COL23A1: variants seen among roughly 807,000 people sequenced by gnomAD.
COL23A1 encodes collagen type XXIII alpha 1 chain.
Under a neutral mutation model 99.3 loss-of-function variants are expected in COL23A1, and 97 were observed. That is an observed-to-expected ratio of 0.98 (90% CI 0.83 to 1.16). COL23A1 has a LOEUF of 1.16. COL23A1 is among the 50% of genes most tolerant of loss of function. COL23A1 has a pLI of 0.00. For missense variants in COL23A1, 762 were observed against 757.4 expected, an observed-to-expected ratio of 1.01 and a Z score of -0.07; for synonymous variants, 320 against 308.2, an observed-to-expected ratio of 1.04 and a Z score of -0.40.
chr5:178,453,324 T>A (rs1767593980), intron 2 of COL23A1, among the ~76,000 whole-genome samples: 1 of 152,208 alleles, frequency 6.6e-6, no homozygotes, highest in African/African-American at 2.4e-5. Context: ...TCTAGCCCCG[T>A]GAAGAGATGA....
chr5:178,273,193 G>T (rs1004665100), intron 5 of COL23A1, among the ~76,000 whole-genome samples: 1 of 152,224 alleles, frequency 6.6e-6, no homozygotes, highest in Non-Finnish European at 1.5e-5. Flanking sequence ...AGAAGTGCCC[G>T]TGGAAGGGAG....
chr5:178,537,190 C>A (rs1005372114), intron 2 of COL23A1, among the ~76,000 whole-genome samples: 4 of 150,888 alleles, frequency 2.7e-5, no homozygotes, highest in African/African-American at 9.8e-5. Context: ...CCCCTGACCA[C>A]CCGTGTCCCC....
intron 2 of COL23A1, among the ~76,000 whole-genome samples, chr5:178,473,688 CTAT>C (rs1258312485): frequency 6.6e-6 from 1 of 151,998 alleles, no homozygotes; most frequent in Non-Finnish European, 1.5e-5. Flanking sequence ...GGACGACTGA[CTAT>C]ACTGTTTCTA....
chr5:178,568,442 T>C (rs894310829), intron 1 of COL23A1, among the ~76,000 whole-genome samples: 1 of 152,246 alleles, frequency 6.6e-6, no homozygotes. Flanking sequence ...TTTTTTTAAC[T>C]GAGGTGAAAT....
intron 2 of COL23A1, among the ~76,000 whole-genome samples, chr5:178,467,629 G>A (rs1174238361): frequency 6.6e-6 from 1 of 152,214 alleles, no homozygotes; most frequent in Admixed American, 6.5e-5. Flanking sequence ...GCTTGCAGCT[G>A]TGTGTTGCCA....
At chr5:178,417,420 G>T (rs1253096610) in intron 2 of COL23A1, among the ~76,000 whole-genome samples, 1 of 152,178 alleles carries the variant, frequency 6.6e-6, no homozygotes, top group Non-Finnish European at 1.5e-5. Flanking sequence ...TACAGGTAAA[G>T]AATCTGACCT....
intron 10 of COL23A1, 82 bp downstream of exon 10, chr5:178,262,135 C>G (rs547623190): frequency 7.1e-7 from 1 of 1,414,000 alleles, no homozygotes; most frequent in African/African-American, 1.4e-5. Context: ...ACCCTGCTGT[C>G]GGCGTGTGTG....
In COL23A1 at chr5:178,544,901, T is replaced by C. The variant is rs1330897831; in HGVS notation, c.361+15781A>G. ...GCTGAGCAACACAGCAAACCCCGTC[T>C]CTAGAACAACAACAACAAAAAAAGA... On this transcript the variant is annotated intron_variant, in intron 2 of 28. Coordinates refer to ENST00000390654, the MANE Select transcript of COL23A1 (RefSeq NM_173465.4). The surrounding 1 kb of genome is among the most constrained non-coding windows in gnomAD (Gnocchi z 4.4). Among the ~76,000 whole-genome samples the C allele has an allele frequency of 6.6e-6, 1 of 152,042 alleles. No individual in the cohort carries two copies. Among genetic ancestry groups the C allele is most frequent in the East Asian group, 1.9e-4 (1 of 5,180 alleles).
At chr5:178,553,691 G>A (rs910088769) in intron 2 of COL23A1, among the ~76,000 whole-genome samples, 4 of 152,210 alleles carry the variant, frequency 2.6e-5, no homozygotes, top group African/African-American at 4.8e-5. Flanking sequence ...TTCTGGGCAC[G>A]TGGGTGGCTG....
chr5:178,462,609 C>T (rs1756183253), intron 2 of COL23A1, among the ~76,000 whole-genome samples: 1 of 152,272 alleles, frequency 6.6e-6, no homozygotes, highest in Middle Eastern at 3.4e-3. Flanking sequence ...TCCATAACAG[C>T]TGATGAAAAT....
intron 2 of COL23A1, among the ~76,000 whole-genome samples, chr5:178,418,651 G>A (rs991576169): frequency 6.7e-6 from 1 of 149,906 alleles, no homozygotes; most frequent in African/African-American, 2.5e-5. Flanking sequence ...AGTGACCCAC[G>A]CTGTGGAGCC....
At chr5:178,359,170 C>T (rs998484918) in intron 2 of COL23A1, among the ~76,000 whole-genome samples, 1 of 152,178 alleles carries the variant, frequency 6.6e-6, no homozygotes, top group African/African-American at 2.4e-5. Context: ...GTCATTTAAC[C>T]TCTCTCAGCC....
At chr5:178,471,705 C>T (rs1036194197) in intron 2 of COL23A1, among the ~76,000 whole-genome samples, 6 of 152,146 alleles carry the variant, frequency 3.9e-5, no homozygotes, top group African/African-American at 1.2e-4. Context: ...CAACCACCCG[C>T]TTTATGTAAC....
intron 5 of COL23A1, among the ~76,000 whole-genome samples, chr5:178,285,934 C>T (rs946226555): frequency 2.0e-5 from 3 of 152,218 alleles, no homozygotes; most frequent in Non-Finnish European, 4.4e-5. Flanking sequence ...GGAAGCTGAG[C>T]GGGGTGTCTG....
intron 2 of COL23A1, among the ~76,000 whole-genome samples, chr5:178,518,223 A>C (rs1215996389): frequency 6.9e-6 from 1 of 144,770 alleles, no homozygotes; most frequent in East Asian, 2.2e-4. Context: ...GTAAGGTCAC[A>C]GATCAACAGG....
intron 2 of COL23A1, among the ~76,000 whole-genome samples, chr5:178,447,989 C>G (rs1007802635): frequency 1.3e-5 from 2 of 152,158 alleles, no homozygotes; most frequent in African/African-American, 4.8e-5. Flanking sequence ...ACTCGAGGGT[C>G]TGAGTGTTGG....
Position 178,342,566 on chromosome 5 carries a change from C to T in COL23A1, c.362-35647G>A, listed in dbSNP as rs922749596. Among the ~76,000 whole-genome samples, 9 of 152,294 alleles carry T rather than the reference C, an allele frequency of 5.9e-5. No individual in the cohort carries two copies. The South Asian group carries it at 6.2e-4, about 11-fold the overall frequency. On this transcript the variant is annotated intron_variant, in intron 2 of 28. Coordinates refer to ENST00000390654, the MANE Select transcript of COL23A1 (RefSeq NM_173465.4). ...TGATGCCCCATTTCCCAGGTCCCAC[C>T]GGCCAGAGCATCTGAAGCTCCCTGC...
chr5:178,486,126 C>G (rs1206088411), intron 2 of COL23A1, among the ~76,000 whole-genome samples: 1 of 152,186 alleles, frequency 6.6e-6, no homozygotes, highest in African/African-American at 2.4e-5. Context: ...ACATGTAAAG[C>G]TGGGTACCAG....
At chr5:178,471,641 C>T (rs1179245889) in intron 2 of COL23A1, among the ~76,000 whole-genome samples, 1 of 152,116 alleles carries the variant, frequency 6.6e-6, no homozygotes, top group African/African-American at 2.4e-5. Flanking sequence ...TAGCAAGCAC[C>T]TTGCCTTTGG....
Sources: allele counts gnomAD v4.1 joint callset (sites outside exome capture counted in the v4.1 genomes callset), GRCh38; gene constraint gnomAD v4.1.1; non-coding constraint Gnocchi (gnomAD v3.1); transcripts MANE v1.5; gene names NCBI Gene and HGNC (gene_info 2026-07-23, HGNC 2026-07-21).